TRPV1: variants seen among roughly 807,000 people sequenced by gnomAD.
The protein encoded by TRPV1 is transient receptor potential cation channel subfamily V member 1, also known as OTRPC1.
In TRPV1, 82 loss-of-function variants were observed where a neutral mutation model predicts 82.3. The ratio of observed to expected loss-of-function variants is 1.00; its 90% confidence interval spans 0.83 to 1.20. The LOEUF (loss-of-function observed/expected upper bound fraction) is 1.20, where lower values mean the gene tolerates loss of function less well. TRPV1 is among the 50% of genes most tolerant of loss of function. The pLI, the probability that TRPV1 is intolerant of heterozygous loss-of-function variation, is 0.00. For synonymous variants in TRPV1, 515 were observed against 467.7 expected (o/e 1.10, Z -1.30); for missense variants, 1,067 against 1,096.8 (o/e 0.97, Z 0.38).
chr17:3,586,051 G>C lies in TRPV1; in HGVS notation c.1225-125C>G, dbSNP rs1165581097. 54 of 1,289,184 alleles carry C rather than the reference G, an allele frequency of 4.2e-5. No homozygotes were observed. In the Middle Eastern group the frequency reaches 7.7e-4, roughly 18 times the overall value. The allele number at this position is 1,289,184 out of a possible 1,614,324, so 79.9% of individuals were successfully genotyped here. On this transcript the variant is annotated intron_variant, in intron 8 of 16. Coordinates refer to ENST00000572705, the MANE Select transcript of TRPV1 (RefSeq NM_080704.4). ...AGTCCTCAGCCCACGGAGCAGGTGA[G>C]ATGGGAGGTCTGAGCCAGCCGGCAG...
intron 2 of TRPV1, among the ~76,000 whole-genome samples, chr17:3,595,997 C>T (rs1039360674): frequency 6.6e-6 from 1 of 152,124 alleles, no homozygotes; most frequent in Non-Finnish European, 1.5e-5. Context: ...CACCTGTCAC[C>T]GCAAAACATT....
chr17:3,592,526 G>A (rs1422110821), intron 2 of TRPV1, 143 bp from the exon 3 acceptor site: 1 of 833,668 alleles, frequency 1.2e-6, no homozygotes, highest in Admixed American at 2.9e-5. Flanking sequence ...CCCTAGAACT[G>A]AAGTGTTTCC....
chr17:3,591,031 C>G lies in TRPV1; in HGVS notation c.537G>C (p.Glu179Asp). 3 of 1,612,602 alleles carry G rather than the reference C, an allele frequency of 1.9e-6. No homozygotes were observed. Among genetic ancestry groups the G allele is most frequent in the Non-Finnish European group, 2.5e-6 (3 of 1,179,442 alleles). ...TCAGGCTGTCCGTTTGCCGCGCGATCTCCAGGAGCAGGGGGATGGTGGTGT... is the reference window on the plus strand; with the variant it reads ...TCAGGCTGTCCGTTTGCCGCGCGATGTCCAGGAGCAGGGGGATGGTGGTGT... ...GQNTTIPLLL[E>D]IARQTDSLKE... is the part of the protein sequence containing the mutation. The change falls in exon 5 of 17, where the codon GAG (glutamate) becomes GAC (aspartate). Residue 179 changes from glutamate (E) to aspartate (D), a missense_variant. By Grantham distance (45) the Glu-to-Asp change is conservative (BLOSUM62 2). Coordinates refer to ENST00000572705, the MANE Select transcript of TRPV1 (RefSeq NM_080704.4).
chr17:3,579,546 G>A (rs2074977956), intron 11 of TRPV1, among the ~76,000 whole-genome samples: 1 of 152,174 alleles, frequency 6.6e-6, no homozygotes, highest in South Asian at 2.1e-4. Context: ...CGCGATCTGG[G>A]CTCACTGCAA....
At chr17:3,570,030 G>A (rs1233886126) in intron 16 of TRPV1, among the ~76,000 whole-genome samples, 3 of 125,936 alleles carry the variant, frequency 2.4e-5, no homozygotes, top group Admixed American at 7.8e-5. Context: ...GGGGCCAAGC[G>A]GTCAGGAAGG....
chr17:3,583,958 C>A (rs1466865045), intron 9 of TRPV1, among the ~76,000 whole-genome samples: 2 of 152,088 alleles, frequency 1.3e-5, no homozygotes, highest in Non-Finnish European at 2.9e-5. Flanking sequence ...CTTGCCTTAC[C>A]AGCACATTTT....
intron 9 of TRPV1, chr17:3,585,154 CTTTTTT>C (rs11390232): frequency 6.8e-6 from 1 of 147,380 alleles, no homozygotes; most frequent in Non-Finnish European, 1.5e-5. Context: ...CGTGATTTTT[CTTTTTT>C]TTTTTTTGAG....
intron 2 of TRPV1, among the ~76,000 whole-genome samples, chr17:3,602,715 G>A (rs1011117011): frequency 6.6e-6 from 1 of 152,190 alleles, no homozygotes; most frequent in African/African-American, 2.4e-5. Context: ...TTCTCTTAGT[G>A]TTACCACTAG....
intron 7 of TRPV1, 65 bp from the exon 8 acceptor site, chr17:3,588,432 A>T: frequency 6.6e-7 from 1 of 1,510,230 alleles, no homozygotes. Flanking sequence ...CAGTACCTCA[A>T]CAACCAGCTC....
At chr17:3,594,494 AAC>A (rs2075200509) in intron 2 of TRPV1, among the ~76,000 whole-genome samples, 1 of 152,122 alleles carries the variant, frequency 6.6e-6, no homozygotes, top group African/African-American at 2.4e-5. Context: ...GATCCATGAA[AAC>A]ACAGAGGCAG....
At chr17:3,568,992 T>C (rs1409313355) in intron 16 of TRPV1, among the ~76,000 whole-genome samples, 3 of 152,020 alleles carry the variant, frequency 2.0e-5, no homozygotes, top group Non-Finnish European at 4.4e-5. Flanking sequence ...CTGGAAACCA[T>C]CATTCTCAGC....
In TRPV1 at chr17:3,590,030, T is replaced by G; in HGVS notation, c.821A>C (p.Gln274Pro). 1 of 1,577,274 alleles carries G rather than the reference T, an allele frequency of 6.3e-7. No homozygotes were observed. Among genetic ancestry groups the G allele is most frequent in the Non-Finnish European group, 8.6e-7 (1 of 1,162,226 alleles). Residue 274 changes from glutamine (Q) to proline (P), a missense_variant, in exon 7 of 17, where the codon CAG (glutamine) becomes CCG (proline). Transcript: ENST00000572705. ...IVKFLLQNSW[Q>P]TADISARDSV... ...GTCCCTGGCGCTGATGTCGGCCGTC[T>G]GCCAGGAGTTCTGCAGCAGGAACTT... is the stretch of plus-strand genomic sequence containing the variant.
At chr17:3,590,186 G>A (rs2075139066) in intron 6 of TRPV1, 66 bp downstream of exon 6, 1 of 1,595,588 alleles carries the variant, frequency 6.3e-7, no homozygotes, top group Non-Finnish European at 8.6e-7. Context: ...AACTCCCTCT[G>A]TCTCTGCCCA....
chr17:3,568,194 C>T (rs994433710), intron 16 of TRPV1, among the ~76,000 whole-genome samples: 61 of 151,228 alleles, frequency 4.0e-4, no homozygotes, highest in Middle Eastern at 3.4e-3. Flanking sequence ...TAGTGGCGGG[C>T]GCCTGTAGTC....
At chr17:3,572,322 A>G (rs752819167) in intron 14 of TRPV1, 73 bp from the exon 15 acceptor site, 25 of 1,521,070 alleles carry the variant, frequency 1.6e-5, no homozygotes, top group Middle Eastern at 1.9e-4. Context: ...GGCTGCCAGT[A>G]TCCAGCTCCC....
At chr17:3,588,443 TGCTTCCCA>T in intron 7 of TRPV1, 76 bp from the exon 8 acceptor site, 2 of 1,478,328 alleles carry the variant, frequency 1.4e-6, no homozygotes, top group Non-Finnish European at 1.8e-6. Flanking sequence ...CAACCAGCTC[TGCTTCCCA>T]GCCCAGCTGG....
At chr17:3,567,418 A>T (rs2074783158) in intron 16 of TRPV1, among the ~76,000 whole-genome samples, 1 of 151,782 alleles carries the variant, frequency 6.6e-6, no homozygotes, top group East Asian at 1.9e-4. Flanking sequence ...GAAAGAAAGA[A>T]AAAACGAGGC....
chr17:3,590,241 T>G lies in TRPV1; in HGVS notation c.745+11A>C. 1 of 1,613,466 alleles carries G rather than the reference T, an allele frequency of 6.2e-7. No individual in the cohort carries two copies. Among genetic ancestry groups the G allele is most frequent in the Non-Finnish European group, 8.5e-7 (1 of 1,179,572 alleles). ...CCAAAAAGATCAGGGTCTGCCACAC[T>G]GTCTCCCTACCGAAGTAGAATCCAG... On this transcript the variant is annotated intron_variant, in intron 6 of 16. Coordinates refer to ENST00000572705, the MANE Select transcript of TRPV1 (RefSeq NM_080704.4).
rs1019922548 is a variant in TRPV1, at chr17:3,584,851, G to A, written c.1383+917C>T. ...CTTGTAAAGTGCCCTGGAAACAAAA[G>A]CAGCAAATTAAGTGTCCTGGGTATC... On this transcript the variant is annotated intron_variant, in intron 9 of 16. Transcript: ENST00000572705. Among the ~76,000 whole-genome samples, 5 of 152,198 alleles carry A rather than the reference G, an allele frequency of 3.3e-5. No individual in the cohort carries two copies. The East Asian group carries it at 9.6e-4, about 29-fold the overall frequency.
Sources: gnomAD v4.1 joint callset for allele counts (sites outside exome capture counted in the v4.1 genomes callset) on GRCh38, gnomAD v4.1.1 for gene constraint, MANE v1.5 for transcripts, NCBI Gene and HGNC (gene_info 2026-07-23, HGNC 2026-07-21) for gene names.